OSBPL6: variants seen among roughly 807,000 people sequenced by gnomAD.
OSBPL6 encodes the protein oxysterol-binding protein-related protein 6.
Under a neutral mutation model 125.8 loss-of-function variants are expected in OSBPL6, and 49 were observed. That is an observed-to-expected ratio of 0.39 (90% CI 0.31 to 0.49). The LOEUF is 0.49. Ranked by LOEUF, OSBPL6 falls within the 20% of genes least tolerant of loss-of-function variation. OSBPL6 has a pLI of 0.88. For synonymous variants in OSBPL6, 394 were observed against 391.8 expected, an observed-to-expected ratio of 1.01 and a Z score of -0.07; for missense variants, 986 against 1,135.4, an observed-to-expected ratio of 0.87 and a Z score of 1.89.
At chr2:178,236,711 C>T (rs779753386) in intron 1 of OSBPL6, among the ~76,000 whole-genome samples, 13 of 152,222 alleles carry the variant, frequency 8.5e-5, no homozygotes, top group South Asian at 2.1e-4. Context: ...CTCCCGCCCC[C>T]GCTTGGATGC....
chr2:178,389,704 A>G (rs916863750), intron 21 of OSBPL6, among the ~76,000 whole-genome samples: 1 of 152,162 alleles, frequency 6.6e-6, no homozygotes, highest in African/African-American at 2.4e-5. Flanking sequence ...CCCAAAAAGC[A>G]CCATTTTCCC....
chr2:178,353,394 G>A (rs1402953568), intron 12 of OSBPL6, among the ~76,000 whole-genome samples: 2 of 152,156 alleles, frequency 1.3e-5, no homozygotes, highest in Non-Finnish European at 2.9e-5. Context: ...GTGTGGAGAG[G>A]ACCTTAAATG....
chr2:178,389,339 T>A (rs186821976), intron 21 of OSBPL6, among the ~76,000 whole-genome samples, 186 bp downstream of exon 21: 7 of 152,154 alleles, frequency 4.6e-5, no homozygotes. Context: ...TCTGAACATA[T>A]GGAGGTCAAA....
rs1361956429 is a variant in OSBPL6, at chr2:178,336,287, T to C, written c.658-14T>C. The C allele has an allele frequency of 6.2e-7, 1 of 1,612,674 alleles. No homozygotes were observed. The highest frequency in any genetic ancestry group is 8.5e-7 in the Non-Finnish European group (1 of 1,179,424). On this transcript the variant is annotated splice_polypyrimidine_tract_variant and intron_variant, in intron 8 of 24. Transcript: ENST00000190611. ...CTGTTTCATAACCATACAATTCATC[T>C]TTGTTTGCCGTAGATGCAACCAAAC...
chr2:178,382,411 C>T lies in OSBPL6; in HGVS notation c.1534-9C>T. 1.3e-6 allele frequency: 2 copies of T among 1,587,304 alleles called. No homozygotes were observed. Among genetic ancestry groups the T allele is most frequent in the Non-Finnish European group, 1.7e-6 (2 of 1,165,300 alleles). On this transcript the variant is annotated splice_polypyrimidine_tract_variant and intron_variant, in intron 15 of 24. Transcript: ENST00000190611. ...AATTCTGATCCTTGTATGTTCTTCCCTTCCTTAGGCTTCAGATGATGAGTC... is the reference window on the plus strand; with the variant it reads ...AATTCTGATCCTTGTATGTTCTTCCTTTCCTTAGGCTTCAGATGATGAGTC...
At chr2:178,291,815 A>ATCCAT (rs1685305745) in intron 2 of OSBPL6, among the ~76,000 whole-genome samples, 1 of 140,164 alleles carries the variant, frequency 7.1e-6, no homozygotes, top group African/African-American at 2.5e-5. Flanking sequence ...CCATCCATCC[A>ATCCAT]TCCATCCATC....
chr2:178,338,983 C>T lies in OSBPL6; in HGVS notation c.791-8C>T. 5 of 1,599,292 alleles carry T rather than the reference C, an allele frequency of 3.1e-6. No individual in the cohort carries two copies. The highest frequency in any genetic ancestry group is 4.3e-6 in the Non-Finnish European group (5 of 1,170,586). On this transcript the variant is annotated splice_polypyrimidine_tract_variant and splice_region_variant and intron_variant, in intron 9 of 24. Transcript: ENST00000190611. The stretch of plus-strand genomic sequence containing the variant: ...TTTAACGTATTTTTATTTCTGATTT[C>T]TTATTAGATCTTGCACATTGCCAGT...
intron 3 of OSBPL6, among the ~76,000 whole-genome samples, chr2:178,321,857 T>C (rs1271969478): frequency 6.6e-6 from 1 of 152,262 alleles, no homozygotes; most frequent in African/African-American, 2.4e-5. Flanking sequence ...TATTGTGCTA[T>C]ATTTGAAGTG....
chr2:178,231,428 G>A (rs941360522), intron 1 of OSBPL6, among the ~76,000 whole-genome samples: 1 of 152,092 alleles, frequency 6.6e-6, no homozygotes, highest in African/African-American at 2.4e-5. Context: ...GCATTCACCC[G>A]TGCAGGCTTC....
chr2:178,289,001 C>G (rs1574762105), intron 2 of OSBPL6, among the ~76,000 whole-genome samples: 1 of 144,810 alleles, frequency 6.9e-6, no homozygotes, highest in Admixed American at 6.9e-5. Context: ...TTTTTGTTTT[C>G]TTTTTCTTTT....
chr2:178,385,394 G>A, intron 18 of OSBPL6, 64 bp from the exon 19 acceptor site: 2 of 1,166,946 alleles, frequency 1.7e-6, no homozygotes, highest in Admixed American at 3.7e-5. Flanking sequence ...TTCAGTAAGA[G>A]AAATGGATGA....
intron 10 of OSBPL6, 80 bp from the exon 11 acceptor site, chr2:178,339,592 T>A: frequency 8.8e-7 from 1 of 1,136,734 alleles, no homozygotes. Flanking sequence ...TTTAGTAACT[T>A]GCTGTGCTCT....
chr2:178,344,426 C>T, intron 11 of OSBPL6: 1 of 1,503,020 alleles, frequency 6.7e-7, no homozygotes, highest in Non-Finnish European at 9.2e-7. Context: ...AGGATGACTC[C>T]CCTGTCCTGA....
chr2:178,384,367 C>T (rs904842581), intron 18 of OSBPL6, among the ~76,000 whole-genome samples, 191 bp downstream of exon 18: 5 of 152,188 alleles, frequency 3.3e-5, no homozygotes, highest in African/African-American at 1.2e-4. Flanking sequence ...ATGACACAGC[C>T]TCAGGAGGTC....
At chr2:178,208,646 C>T (rs1180257399) in intron 1 of OSBPL6, among the ~76,000 whole-genome samples, 1 of 129,332 alleles carries the variant, frequency 7.7e-6, no homozygotes, top group South Asian at 3.2e-4. Flanking sequence ...CCTCCCCTCC[C>T]TTCCCCTCCC....
At chr2:178,351,441 C>T (rs571027559) in intron 12 of OSBPL6, among the ~76,000 whole-genome samples, 9 of 151,250 alleles carry the variant, frequency 6.0e-5, no homozygotes, top group South Asian at 2.1e-4. Flanking sequence ...ATTCTATACA[C>T]GAATAACAAC....
chr2:178,279,775 G>T (rs10167889), intron 1 of OSBPL6, among the ~76,000 whole-genome samples: 21,815 of 152,162 alleles, frequency 0.14, 1,693 homozygotes, highest in African/African-American at 0.17. Flanking sequence ...TGGCTTTAAG[G>T]ATTAATCTTC....
At position 178,395,772 on chromosome 2, in the gene OSBPL6, TAAAAAAAAAAAAAA is replaced by T. The variant is rs746653123; in HGVS notation, c.*228_*241del. 30 of 243,420 alleles carry T rather than the reference TAAAAAAAAAAAAAA, an allele frequency of 1.2e-4. No homozygotes were observed. Among genetic ancestry groups the T allele is most frequent in the Middle Eastern group, 1.1e-3 (1 of 892 alleles). 15.1% of individuals were successfully genotyped at this position (243,420 alleles called of 1,614,324 possible). A position where few individuals can be genotyped will look rare whatever the true frequency, so the allele number is the denominator to read the frequency against. ...TCTGTTTTGCTGCAACCATATTCCT[TAAAAAAAAAAAAAA>T]AAAAAAAAAAAAAATCCACACCGTC... On this transcript the variant is annotated 3_prime_UTR_variant, in exon 25 of 25. Transcript: ENST00000190611.
chr2:178,299,586 A>C (rs1686091047), intron 2 of OSBPL6, among the ~76,000 whole-genome samples: 1 of 152,146 alleles, frequency 6.6e-6, no homozygotes, highest in South Asian at 2.1e-4. Flanking sequence ...GAGCAAAGTT[A>C]ACCCATAAGC....
Sources: allele counts gnomAD v4.1 joint callset (sites outside exome capture counted in the v4.1 genomes callset), GRCh38; gene constraint gnomAD v4.1.1; transcripts MANE v1.5; gene names NCBI Gene and HGNC (gene_info 2026-07-23, HGNC 2026-07-21).